The following PARD3B variants were observed in gnomAD, a reference collection of about 807,000 sequenced individuals.
PARD3B encodes par-3 family cell polarity regulator beta, also known as partitioning defective 3 homolog B.
A neutral mutation model predicts 130.2 loss-of-function variants in PARD3B; 103 were observed. That is an observed-to-expected ratio of 0.79 (90% CI 0.67 to 0.93). The LOEUF (loss-of-function observed/expected upper bound fraction) is 0.93. PARD3B is among the 40% of genes least tolerant of loss of function. PARD3B has a pLI of 0.00. For missense variants in PARD3B, 1,609 were observed against 1,499.2 expected (o/e 1.07, Z -1.21); for synonymous variants, 583 against 553.2 (o/e 1.05, Z -0.76).
At chr2:205,154,416 T>C (rs1329599656) in intron 10 of PARD3B, among the ~76,000 whole-genome samples, 1 of 152,176 alleles carries the variant, frequency 6.6e-6, no homozygotes, top group East Asian at 1.9e-4. Context: ...GGAGAGGATG[T>C]GGAGAAATAG....
intron 15 of PARD3B, among the ~76,000 whole-genome samples, chr2:205,222,088 C>G (rs146263114): frequency 6.6e-6 from 1 of 150,998 alleles, no homozygotes; most frequent in Admixed American, 6.6e-5. Context: ...CCTCTACATG[C>G]GCCTCTGAAC....
intron 2 of PARD3B, among the ~76,000 whole-genome samples, chr2:204,817,623 G>A (rs1301687752): frequency 6.6e-6 from 1 of 152,090 alleles, no homozygotes; most frequent in Non-Finnish European, 1.5e-5. Context: ...AGCTGCAGGG[G>A]ACCCTCTGCA....
intron 1 of PARD3B, among the ~76,000 whole-genome samples, chr2:204,668,763 GTA>G (rs1437399107): frequency 6.6e-6 from 1 of 152,152 alleles, no homozygotes; most frequent in African/African-American, 2.4e-5. Flanking sequence ...TAGAACATTT[GTA>G]TATGTGATGT....
chr2:205,247,024 A>G (rs1476260178), intron 16 of PARD3B, among the ~76,000 whole-genome samples: 5 of 152,190 alleles, frequency 3.3e-5, no homozygotes, highest in Admixed American at 2.0e-4. Context: ...AGGATAATCT[A>G]TAATATCTTC....
intron 2 of PARD3B, among the ~76,000 whole-genome samples, chr2:204,914,206 A>G (rs2047356009): frequency 2.0e-5 from 3 of 152,172 alleles, no homozygotes; most frequent in Non-Finnish European, 2.9e-5. Context: ...GTCTGTTAAC[A>G]AGAACCTCTC....
intron 1 of PARD3B, among the ~76,000 whole-genome samples, chr2:204,581,220 T>C (rs1424473566): frequency 6.6e-6 from 1 of 152,218 alleles, no homozygotes; most frequent in Non-Finnish European, 1.5e-5. Flanking sequence ...GCACTGCAGT[T>C]ATAAGACTGT....
At chr2:205,560,216 ATT>A (rs1332936522) in intron 22 of PARD3B, among the ~76,000 whole-genome samples, 1 of 152,102 alleles carries the variant, frequency 6.6e-6, no homozygotes, top group Non-Finnish European at 1.5e-5. Context: ...ATATTCTGTT[ATT>A]TGCTCACCTG....
intron 16 of PARD3B, among the ~76,000 whole-genome samples, chr2:205,249,876 T>C (rs1287128280): frequency 6.6e-6 from 1 of 151,942 alleles, no homozygotes; most frequent in Non-Finnish European, 1.5e-5. Flanking sequence ...AAAACGTCTT[T>C]AACCTCTTTC....
chr2:205,366,693 G>GAAAAAAAA lies in PARD3B; in HGVS notation c.2631-34318_2631-34317insAAAAAAAA, dbSNP rs2044622987. Among the ~76,000 whole-genome samples the GAAAAAAAA allele has an allele frequency of 1.3e-5, 2 of 151,816 alleles. No individual in the cohort carries two copies. Among genetic ancestry groups the GAAAAAAAA allele is most frequent in the African/African-American group, 4.8e-5 (2 of 41,288 alleles). ...CTTTTTTTTTTCTTTAACTGTGACT[G>GAAAAAAAA]AACCTCAGTGGACAGAGCAGCCAAG... On this transcript the variant is annotated intron_variant, in intron 18 of 22. Coordinates refer to ENST00000406610, the MANE Select transcript of PARD3B (RefSeq NM_001302769.2). The surrounding 1 kb of genome is among the most constrained non-coding windows in gnomAD (Gnocchi z 5.0).
In PARD3B at chr2:205,226,713, T is replaced by C. The variant is rs148788518; in HGVS notation, c.2141-19065T>C. Among the ~76,000 whole-genome samples the C allele has an allele frequency of 5.3e-5, 8 of 152,338 alleles. No homozygotes were observed. In the East Asian group the frequency reaches 1.5e-3, roughly 29 times the overall value. The stretch of plus-strand genomic sequence containing the variant: ...TAGTTTCTCTGTTCTGTCCCATTAA[T>C]CTATGACTCTAGTTTTATGCCAGGA... On this transcript the variant is annotated intron_variant, in intron 15 of 22. Transcript: ENST00000406610.
rs1042847032 is a variant in PARD3B at position 205,446,701 on chromosome 2, A to T, written c.3044+6029A>T. ...CAGTGGTTAAAAAAAAATTTCTACC[A>T]CCAGGACAGAGACACGTGACTGGAT... On this transcript the variant is annotated intron_variant, in intron 20 of 22. Coordinates refer to ENST00000406610, the MANE Select transcript of PARD3B (RefSeq NM_001302769.2). This position sits in a 1 kb window ranked among gnomAD's most constrained non-coding sequence, Gnocchi z 4.4. Among the ~76,000 whole-genome samples the T allele has an allele frequency of 6.6e-6, 1 of 152,132 alleles. No individual in the cohort carries two copies. The highest frequency in any genetic ancestry group is 1.5e-5 in the Non-Finnish European group (1 of 68,012).
chr2:205,205,703 T>A (rs940185982), intron 15 of PARD3B, among the ~76,000 whole-genome samples: 1 of 152,222 alleles, frequency 6.6e-6, no homozygotes, highest in Non-Finnish European at 1.5e-5. Flanking sequence ...GTTGAGATAA[T>A]CATGTGGTTT....
chr2:204,950,661 A>G (rs946935938), intron 2 of PARD3B, among the ~76,000 whole-genome samples: 4 of 152,162 alleles, frequency 2.6e-5, no homozygotes, highest in African/African-American at 7.2e-5. Context: ...GTTCTTTCGT[A>G]TTTAAATGAA....
At chr2:205,597,834 C>T (rs935563508) in intron 22 of PARD3B, among the ~76,000 whole-genome samples, 2 of 152,112 alleles carry the variant, frequency 1.3e-5, no homozygotes, top group African/African-American at 4.8e-5. Context: ...TTTACAGCAT[C>T]CTTAAAGAAA....
chr2:205,167,501 A>G (rs1036791875), intron 11 of PARD3B, among the ~76,000 whole-genome samples: 2 of 152,316 alleles, frequency 1.3e-5, no homozygotes, highest in African/African-American at 2.4e-5. Flanking sequence ...CCTAGTTCAC[A>G]TCTGCTTTTA....
At chr2:205,005,512 G>T (rs1379107856) in intron 3 of PARD3B, among the ~76,000 whole-genome samples, 1 of 152,126 alleles carries the variant, frequency 6.6e-6, no homozygotes, top group Non-Finnish European at 1.5e-5. Flanking sequence ...AATTAGAACT[G>T]TGGCTACTCT....
chr2:205,125,788 A>T lies in PARD3B; in HGVS notation c.1434+51A>T, dbSNP rs1193612191. ...GAATTTTTAATGCCGAGCTTAATAC[A>T]CTCAATGAACTCATTATAGCTGAGA... On this transcript the variant is annotated intron_variant, in intron 10 of 22. Coordinates refer to ENST00000406610, the MANE Select transcript of PARD3B (RefSeq NM_001302769.2). The surrounding 1 kb of genome is among the most constrained non-coding windows in gnomAD (Gnocchi z 4.0). The T allele has an allele frequency of 5.0e-6, 8 of 1,593,970 alleles. No individual in the cohort carries two copies. Among genetic ancestry groups the T allele is most frequent in the Middle Eastern group, 1.7e-4 (1 of 5,982 alleles).
chr2:204,986,253 G>A (rs1361178345), intron 3 of PARD3B, among the ~76,000 whole-genome samples: 1 of 152,020 alleles, frequency 6.6e-6, no homozygotes, highest in Non-Finnish European at 1.5e-5. Flanking sequence ...GAAAGCTCAG[G>A]GCCTGCCAGT....
chr2:205,147,220 A>G (rs1307131500), intron 10 of PARD3B, among the ~76,000 whole-genome samples: 1 of 152,050 alleles, frequency 6.6e-6, no homozygotes, highest in Non-Finnish European at 1.5e-5. Context: ...GTTATTTTTC[A>G]TGACACAAAA....
Sources: gnomAD v4.1 joint callset for allele counts (sites outside exome capture counted in the v4.1 genomes callset) on GRCh38, gnomAD v4.1.1 for gene constraint, Gnocchi (gnomAD v3.1) non-coding constraint, MANE v1.5 for transcripts, NCBI Gene and HGNC (gene_info 2026-07-23, HGNC 2026-07-21) for gene names.